Variants in COL11A1 observed in about 807,000 individuals in gnomAD.
The protein encoded by COL11A1 is collagen type XI alpha 1 chain.
In COL11A1, 74 loss-of-function variants were observed where a neutral mutation model predicts 265.2. The ratio of observed to expected loss-of-function variants is 0.28; its 90% CI spans 0.23 to 0.34. The LOEUF (loss-of-function observed/expected upper bound fraction) is 0.34, where lower values mean the gene tolerates loss of function less well. COL11A1 is among the 10% of genes least tolerant of loss of function. The pLI is 1.00. For missense variants in COL11A1, 2,165 were observed against 2,263.6 expected, an observed-to-expected ratio of 0.96 and a Z score of 0.88; for synonymous variants, 816 against 727.6, an observed-to-expected ratio of 1.12 and a Z score of -1.96.
intron 46 of COL11A1, among the ~76,000 whole-genome samples, chr1:102,928,355 G>T (rs542399825): frequency 0.012 from 1,806 of 150,808 alleles, 31 homozygotes; most frequent in African/African-American, 0.041. Flanking sequence ...GCGGTGTTTG[G>T]TTTTTTGTTC....
chr1:102,981,970 A>AG (rs1663084503), intron 31 of COL11A1, among the ~76,000 whole-genome samples: 1 of 151,948 alleles, frequency 6.6e-6, no homozygotes, highest in East Asian at 1.9e-4. Context: ...AGTAAAAAAA[A>AG]AATTTAAATT....
intron 47 of COL11A1, among the ~76,000 whole-genome samples, 187 bp from the exon 48 acceptor site, chr1:102,921,758 A>G (rs1570735576): frequency 6.6e-6 from 1 of 152,230 alleles, no homozygotes; most frequent in Non-Finnish European, 1.5e-5. Context: ...CTTTACACAT[A>G]GCTATGAGGA....
intron 42 of COL11A1, among the ~76,000 whole-genome samples, chr1:102,945,247 ACT>A (rs3056651): frequency 0.13 from 16,520 of 128,986 alleles, 988 homozygotes; most frequent in African/African-American, 0.18. Flanking sequence ...TTTTCTTTTT[ACT>A]CTCTCTCTCT....
chr1:103,074,544 G>T, intron 4 of COL11A1, 74 bp downstream of exon 4: 1 of 1,537,880 alleles, frequency 6.5e-7, no homozygotes. Context: ...TTGCTATAAA[G>T]CGATATTTTT....
chr1:102,920,913 T>C (rs1655919264), intron 48 of COL11A1, among the ~76,000 whole-genome samples: 1 of 152,150 alleles, frequency 6.6e-6, no homozygotes, highest in African/African-American at 2.4e-5. Flanking sequence ...AACATAGACT[T>C]CTTCATTGTG....
intron 42 of COL11A1, among the ~76,000 whole-genome samples, chr1:102,940,824 T>G (rs1658647351): frequency 6.6e-6 from 1 of 152,186 alleles, no homozygotes; most frequent in African/African-American, 2.4e-5. Context: ...GTTGCTCATA[T>G]GTCCAACTTT....
At chr1:103,042,022 A>G (rs1207760989) in intron 4 of COL11A1, among the ~76,000 whole-genome samples, 1 of 152,058 alleles carries the variant, frequency 6.6e-6, no homozygotes, top group East Asian at 1.9e-4. Context: ...GCTAAGATAT[A>G]TTATAAATAA....
rs530663744 is a variant in COL11A1 at position 102,967,028 on chromosome 1, G to A, written c.2863-1488C>T. ...TTCCAGACTTTTCTTCAGTGCCCATGCTTAATCAGTTATTTTATCTGAATG... is the reference window on the plus strand; with the variant it reads ...TTCCAGACTTTTCTTCAGTGCCCATACTTAATCAGTTATTTTATCTGAATG... On this transcript the variant is annotated intron_variant, in intron 37 of 66. Coordinates refer to ENST00000370096, the MANE Select transcript of COL11A1 (RefSeq NM_001854.4). Among the ~76,000 whole-genome samples the A allele has an allele frequency of 5.8e-4, 88 of 151,968 alleles. 2 individuals are homozygous for A. The South Asian group carries it at 0.017, about 30-fold the overall frequency.
chr1:102,948,116 C>T (rs1659510347), intron 41 of COL11A1, among the ~76,000 whole-genome samples: 1 of 151,800 alleles, frequency 6.6e-6, no homozygotes, highest in Non-Finnish European at 1.5e-5. Flanking sequence ...ACATTATTGA[C>T]TTTGTTCTAA....
intron 41 of COL11A1, among the ~76,000 whole-genome samples, chr1:102,953,498 T>TC (rs1341835178): frequency 6.6e-6 from 1 of 152,200 alleles, no homozygotes; most frequent in African/African-American, 2.4e-5. Flanking sequence ...ACAATGCCTG[T>TC]CATAATAGAG....
At chr1:103,034,531 G>A (rs1376202802) in intron 4 of COL11A1, among the ~76,000 whole-genome samples, 2 of 151,854 alleles carry the variant, frequency 1.3e-5, no homozygotes, top group African/African-American at 4.8e-5. Flanking sequence ...CTACAATTTA[G>A]TATTTTTAGT....
intron 4 of COL11A1, among the ~76,000 whole-genome samples, chr1:103,037,130 A>G (rs1668434336): frequency 6.7e-6 from 1 of 148,270 alleles, no homozygotes; most frequent in African/African-American, 2.5e-5. Flanking sequence ...TTTGGTTTGC[A>G]TATATATAAT....
chr1:102,902,112 C>A (rs1017548604), intron 54 of COL11A1, among the ~76,000 whole-genome samples: 1 of 152,170 alleles, frequency 6.6e-6, no homozygotes, highest in Non-Finnish European at 1.5e-5. Context: ...CTTCTTCTAA[C>A]ACTTTACCTT....
At chr1:102,900,007 G>A (rs1652984700) in intron 54 of COL11A1, among the ~76,000 whole-genome samples, 2 of 151,994 alleles carry the variant, frequency 1.3e-5, no homozygotes, top group Non-Finnish European at 2.9e-5. Flanking sequence ...TCATCACAAT[G>A]TAATATCAGT....
chr1:103,072,961 T>A (rs1671700984), intron 4 of COL11A1, among the ~76,000 whole-genome samples: 1 of 151,834 alleles, frequency 6.6e-6, no homozygotes, highest in African/African-American at 2.4e-5. Flanking sequence ...AGAGAGTAAG[T>A]TCTTTATTCA....
At chr1:103,048,217 T>G (rs183798408) in intron 4 of COL11A1, among the ~76,000 whole-genome samples, 133 of 152,338 alleles carry the variant, frequency 8.7e-4, no homozygotes, top group Non-Finnish European at 1.5e-3. Flanking sequence ...AATTTGGCTG[T>G]GAATCCATCT....
chr1:102,928,621 A>G (rs955532851), intron 46 of COL11A1, among the ~76,000 whole-genome samples: 8 of 152,024 alleles, frequency 5.3e-5, no homozygotes, highest in African/African-American at 1.9e-4. Context: ...GTAATGGGAT[A>G]GCTGGGTCAA....
chr1:102,926,803 T>C (rs1188531603), intron 46 of COL11A1, among the ~76,000 whole-genome samples: 2 of 152,176 alleles, frequency 1.3e-5, no homozygotes, highest in African/African-American at 4.8e-5. Context: ...TGAATATTAA[T>C]GTACCCATTG....
At chr1:103,043,291 C>G (rs2102065169) in intron 4 of COL11A1, among the ~76,000 whole-genome samples, 1 of 150,512 alleles carries the variant, frequency 6.6e-6, no homozygotes, top group African/African-American at 2.4e-5. Flanking sequence ...GATGACCAAA[C>G]AGTAAGTTTA....
Sources: gnomAD v4.1 joint callset for allele counts (sites outside exome capture counted in the v4.1 genomes callset) on GRCh38, gnomAD v4.1.1 for gene constraint, MANE v1.5 for transcripts, NCBI Gene and HGNC (gene_info 2026-07-23, HGNC 2026-07-21) for gene names.